Variants in LY6G5B observed in about 807,000 individuals in gnomAD.
LY6G5B encodes the protein lymphocyte antigen 6 family member G5B.
Under a neutral mutation model 6.7 loss-of-function variants are expected in LY6G5B, and 6 were observed. The ratio of observed to expected loss-of-function variants is 0.89; its 90% CI spans 0.49 to 1.76. The LOEUF is 1.76. LY6G5B is among the 40% of genes most tolerant of loss of function. The pLI is 0.01. For synonymous variants in LY6G5B, 98 were observed against 99.4 expected (o/e 0.99, Z 0.09); for missense variants, 240 against 249.5 (o/e 0.96, Z 0.26).
chr6:31,671,434 G>C (rs1299355689), intron 2 of LY6G5B, 150 bp downstream of exon 2: 4 of 1,165,084 alleles, frequency 3.4e-6, no homozygotes, highest in Non-Finnish European at 4.9e-6. Context: ...CTAGCACTTT[G>C]GGAGGCTGAG....
At chr6:31,672,294 C>G (rs1403901485) in exon 3 of LY6G5B, 10 of 1,603,908 alleles carry the variant, frequency 6.2e-6, no homozygotes, top group Non-Finnish European at 8.5e-6. Flanking sequence ...TTCCACAGTG[C>G]AAATATCTTT....
rs769452711 is a variant in LY6G5B, at chr6:31,672,064, G to C, written c.388G>C (p.Asp130His). ...CAGGCCCCTGGCCCTGCCTCTGTCT[G>C]ACTCCCAGATTCAGTGGTTCTACCA... The change falls in exon 3 of 3, where the codon GAC becomes CAC. Residue 130 changes from aspartate to histidine, a missense_variant. Physicochemically the swap from Asp to His is moderately conservative, Grantham distance 81. Transcript: ENST00000375864. 5 of 1,613,010 alleles carry C rather than the reference G, an allele frequency of 3.1e-6. 1 individual carries two copies. The South Asian group carries it at 5.5e-5, about 18-fold the overall frequency.
exon 3 of LY6G5B, chr6:31,672,343 A>G (rs1253150560): frequency 2.0e-6 from 3 of 1,519,124 alleles, no homozygotes; most frequent in Admixed American, 1.9e-5. Flanking sequence ...CCTCTCTGAA[A>G]ACACCCACAT....
exon 2 of LY6G5B, chr6:31,671,189 G>A (rs754494221): frequency 3.0e-5 from 49 of 1,613,860 alleles, no homozygotes; most frequent in Non-Finnish European, 3.7e-5. Context: ...TGCCACTTCT[G>A]CCTCGTAGAA....
exon 3 of LY6G5B, chr6:31,672,433 T>C: frequency 1.1e-6 from 1 of 869,892 alleles, no homozygotes; most frequent in South Asian, 1.8e-5. Flanking sequence ...TTTTCTCTCT[T>C]GAACTCTGGT....
chr6:31,670,940 A>G (rs1802161080), exon 1 of LY6G5B: 1 of 1,597,242 alleles, frequency 6.3e-7, no homozygotes, highest in Non-Finnish European at 8.5e-7. Flanking sequence ...CCATCTCCCC[A>G]GAATTCCAAA....
exon 3 of LY6G5B, chr6:31,672,650 T>G (rs1272943915): frequency 4.5e-6 from 1 of 223,964 alleles, no homozygotes; most frequent in Non-Finnish European, 8.9e-6. Flanking sequence ...TTCACCATGT[T>G]GGTCAGGCTG....
Position 31,672,229 on chromosome 6 carries a change from TC to T in LY6G5B, c.554del (p.Ser185Ter). The stretch of plus-strand genomic sequence containing the variant: ...CCGCATGTACTTGTTCCTCAATAGT[TC>T]AGGACTTTTGGTTCTTCCCCAGGCT... On this transcript the variant is annotated frameshift_variant, in exon 3 of 3. Transcript: ENST00000375864. LOFTEE classifies it low-confidence loss of function (END_TRUNC). The T allele has an allele frequency of 1.2e-6, 2 of 1,613,150 alleles. No individual in the cohort carries two copies. The highest frequency in any genetic ancestry group is 1.7e-6 in the Non-Finnish European group (2 of 1,180,036).
intron 1 of LY6G5B, 65 bp from the exon 2 acceptor site, chr6:31,671,091 C>T: frequency 6.2e-7 from 1 of 1,611,556 alleles, no homozygotes; most frequent in Non-Finnish European, 8.5e-7. Context: ...GATAATCGGG[C>T]TTCCTACTGG....
In LY6G5B at chr6:31,671,143, T is replaced by C. The variant is rs776679146; in HGVS notation, c.59-13T>C. 9.9e-6 allele frequency: 16 copies of C among 1,613,724 alleles called. No individual in the cohort carries two copies. The highest frequency in any genetic ancestry group is 3.3e-5 in the Admixed American group (2 of 59,990). On this transcript the variant is annotated splice_polypyrimidine_tract_variant and intron_variant, in intron 1 of 2. Transcript: ENST00000375864. ...GTGACCCAGTGCCTCCATCCCTCCT[T>C]CTGCCTCCCCAGTTCCTGTTCCCGA...
exon 3 of LY6G5B, chr6:31,672,621 T>G: frequency 3.6e-6 from 1 of 279,114 alleles, no homozygotes; most frequent in South Asian, 5.6e-5. Context: ...ATTTTTTGTA[T>G]TTTTAGTAGA....
At chr6:31,671,666 C>CAA (rs553699797) in intron 2 of LY6G5B, among the ~76,000 whole-genome samples, 198 bp from the exon 3 acceptor site, 1 of 151,680 alleles carries the variant, frequency 6.6e-6, no homozygotes, top group Non-Finnish European at 1.5e-5. Context: ...GACCCTGTCT[C>CAA]AAAAAAAACC....
chr6:31,670,000 G>C, upstream of LY6G5B: 1 of 1,249,166 alleles, frequency 8.0e-7, no homozygotes, highest in Non-Finnish European at 1.1e-6. This position sits in a 1 kb window ranked among gnomAD's most constrained non-coding sequence, Gnocchi z 4.8. Context: ...ACCCTGTATG[G>C]TTTTTAGTTT....
intron 2 of LY6G5B, 87 bp from the exon 3 acceptor site, chr6:31,671,777 G>C: frequency 6.8e-7 from 1 of 1,474,816 alleles, no homozygotes; most frequent in Admixed American, 2.1e-5. Context: ...ATTAGGTCTG[G>C]GTGAAGGATG....
chr6:31,671,994 C>T (rs1802261424), exon 3 of LY6G5B: 1 of 1,613,108 alleles, frequency 6.2e-7, no homozygotes, highest in South Asian at 1.1e-5. Context: ...ATTGCAACTC[C>T]TGGTCAAGCC....
At chr6:31,672,294 C>T in exon 3 of LY6G5B, 2 of 1,603,908 alleles carry the variant, frequency 1.2e-6, no homozygotes, top group South Asian at 1.1e-5. Flanking sequence ...TTCCACAGTG[C>T]AAATATCTTT....
At chr6:31,672,186 G>T (rs749051168) in exon 3 of LY6G5B, 4 of 1,613,144 alleles carry the variant, frequency 2.5e-6, no homozygotes, top group Non-Finnish European at 3.4e-6. Context: ...ACCTGGGCTT[G>T]TCTTTTGCTG....
At chr6:31,671,257 C>G in exon 2 of LY6G5B, 3 of 1,613,746 alleles carry the variant, frequency 1.9e-6, no homozygotes, top group Non-Finnish European at 1.7e-6. Context: ...CAGCTCATCC[C>G]TGTGCATGGT....
At chr6:31,672,447 G>A (rs1802304493) in exon 3 of LY6G5B, 1 of 806,696 alleles carries the variant, frequency 1.2e-6, no homozygotes, top group African/African-American at 1.7e-5. Context: ...CTCTGGTGCT[G>A]TTTTTTTGTT....
Sources: allele counts gnomAD v4.1 joint callset (sites outside exome capture counted in the v4.1 genomes callset), GRCh38; gene constraint gnomAD v4.1.1; non-coding constraint Gnocchi (gnomAD v3.1); transcripts MANE v1.5; gene names NCBI Gene and HGNC (gene_info 2026-07-23, HGNC 2026-07-21).